Variants in TENT4B observed in about 807,000 individuals in gnomAD.
TENT4B encodes terminal nucleotidyltransferase 4B, also known as PAP associated domain containing 5.
TENT4B carries 10 observed loss-of-function variants against 75.0 expected under a neutral mutation model. The observed-to-expected ratio is 0.13, with a 90% CI of 0.08 to 0.23. The LOEUF is 0.23. Among genes scored for constraint, TENT4B ranks in the 10% least tolerant of loss-of-function variants. The probability of loss-of-function intolerance (pLI) is 1.00; values close to 1 mark genes in which losing one functional copy is unlikely to be tolerated. For missense variants in TENT4B, 579 were observed against 893.8 expected (o/e 0.65, Z 4.49); for synonymous variants, 350 against 357.7 (o/e 0.98, Z 0.24).
chr16:50,223,822 T>C (rs1483434122), intron 7 of TENT4B, among the ~76,000 whole-genome samples: 1 of 152,190 alleles, frequency 6.6e-6, no homozygotes, highest in Admixed American at 6.5e-5. Flanking sequence ...AGACAATGTA[T>C]TTTCTTTTTG....
intron 10 of TENT4B, among the ~76,000 whole-genome samples, chr16:50,226,042 C>A (rs981168823): frequency 6.6e-6 from 1 of 151,750 alleles, no homozygotes. Flanking sequence ...CTCTGTCACC[C>A]AGGCTGGAAT....
intron 7 of TENT4B, 58 bp downstream of exon 7, chr16:50,223,445 A>G (rs1171418668): frequency 8.9e-7 from 1 of 1,123,842 alleles, no homozygotes; most frequent in East Asian, 2.6e-5. Flanking sequence ...CAGTCACCTT[A>G]TTATACTTTA....
intron 1 of TENT4B, among the ~76,000 whole-genome samples, chr16:50,186,934 T>A (rs1339658429): frequency 6.6e-6 from 1 of 152,046 alleles, no homozygotes; most frequent in Non-Finnish European, 1.5e-5. Context: ...TTAATTTTTT[T>A]ATTTTTTGAA....
intron 5 of TENT4B, among the ~76,000 whole-genome samples, chr16:50,220,045 G>A (rs9938012): frequency 1.3e-5 from 2 of 150,516 alleles, no homozygotes; most frequent in African/African-American, 4.9e-5. Flanking sequence ...CTGGAGTGCA[G>A]TGGCGCGATC....
At chr16:50,170,236 G>T (rs1357209676) in intron 1 of TENT4B, among the ~76,000 whole-genome samples, 3 of 151,758 alleles carry the variant, frequency 2.0e-5, no homozygotes, top group African/African-American at 4.8e-5. Context: ...GGCCAGGCTG[G>T]ACTTGAACTC....
At chr16:50,219,974 C>G (rs1054499509) in intron 5 of TENT4B, among the ~76,000 whole-genome samples, 1 of 129,158 alleles carries the variant, frequency 7.7e-6, no homozygotes, top group Non-Finnish European at 1.6e-5. Flanking sequence ...CCCACCACAC[C>G]TGGCTAACTT....
chr16:50,155,272 GGTGTGTGTGTGTGTGTGTGTGTGT>G (rs60683678), intron 1 of TENT4B, among the ~76,000 whole-genome samples: 15 of 135,482 alleles, frequency 1.1e-4, no homozygotes, highest in Admixed American at 9.1e-4. Flanking sequence ...GGGTCTCGTG[GGTGTGTGTGTGTGTGTGTGTGTGT>G]GTGTGTGTGT....
In TENT4B at chr16:50,234,491, T is replaced by C. The variant is rs2032388885; in HGVS notation, c.*5163T>C. ...ATCTTTCAGTTTGGGTTCTGTGCTATTCATAGTTCTTCCCTAAGACCATTT... is the reference window on the plus strand; with the variant it reads ...ATCTTTCAGTTTGGGTTCTGTGCTACTCATAGTTCTTCCCTAAGACCATTT... On this transcript the variant is annotated 3_prime_UTR_variant, in exon 12 of 12. Coordinates refer to ENST00000561678, the MANE Select transcript of TENT4B (RefSeq NM_001365324.3). 2.0e-6 allele frequency: 2 copies of C among 984,940 alleles called. No homozygotes were observed. Among genetic ancestry groups the C allele is most frequent in the Non-Finnish European group, 2.4e-6 (2 of 829,454 alleles). The allele number at this position is 984,940 out of a possible 1,614,324, so 61.0% of individuals were successfully genotyped here.
intron 1 of TENT4B, among the ~76,000 whole-genome samples, chr16:50,172,982 C>G (rs2038234916): frequency 6.6e-6 from 1 of 152,052 alleles, no homozygotes; most frequent in African/African-American, 2.4e-5. Context: ...TCGCTCTCGC[C>G]CAGGCTGGAG....
At position 50,235,203 on chromosome 16, in the gene TENT4B, T is replaced by G. The variant is rs1475177943; in HGVS notation, c.*5875T>G. 7.6e-6 allele frequency: 2 copies of G among 262,190 alleles called. No homozygotes were observed. The highest frequency in any genetic ancestry group is 1.3e-4 in the Admixed American group (2 of 15,402). The allele number at this position is 262,190 out of a possible 1,614,324, so 16.2% of individuals were successfully genotyped here. Reference sequence around the variant, plus strand: ...GATGTCAATTATTTGCCTTGGAAATTTTATAAATTGCATTTCTATGCACAT... The same window carrying G: ...GATGTCAATTATTTGCCTTGGAAATGTTATAAATTGCATTTCTATGCACAT... On this transcript the variant is annotated 3_prime_UTR_variant, in exon 12 of 12. Coordinates refer to ENST00000561678, the MANE Select transcript of TENT4B (RefSeq NM_001365324.3).
chr16:50,222,025 A>C (rs1388215804), intron 5 of TENT4B, among the ~76,000 whole-genome samples: 1 of 152,180 alleles, frequency 6.6e-6, no homozygotes, highest in Non-Finnish European at 1.5e-5. Context: ...TTGGTCTCCC[A>C]AAGTGCTAGG....
intron 1 of TENT4B, among the ~76,000 whole-genome samples, chr16:50,162,426 C>T (rs942189984): frequency 4.6e-5 from 7 of 152,130 alleles, no homozygotes; most frequent in African/African-American, 1.7e-4. Flanking sequence ...ATATTCCTAT[C>T]AACAATATAT....
At chr16:50,191,790 A>G (rs954892832) in intron 1 of TENT4B, among the ~76,000 whole-genome samples, 3 of 152,114 alleles carry the variant, frequency 2.0e-5, no homozygotes, top group Admixed American at 6.6e-5. Flanking sequence ...ATGGTGGCAC[A>G]TGCCTGTAAT....
At chr16:50,222,586 T>C (rs1393534659) in intron 6 of TENT4B, among the ~76,000 whole-genome samples, 152 bp downstream of exon 6, 1 of 152,248 alleles carries the variant, frequency 6.6e-6, no homozygotes, top group Non-Finnish European at 1.5e-5. Flanking sequence ...GGGTACATTT[T>C]ATCATTTAGC....
At chr16:50,207,804 C>T (rs58730051) in intron 1 of TENT4B, among the ~76,000 whole-genome samples, 1 of 152,180 alleles carries the variant, frequency 6.6e-6, no homozygotes, top group Non-Finnish European at 1.5e-5. Context: ...AGGTGGTCCA[C>T]TCTGCCACTC....
chr16:50,162,657 A>G (rs7194940), intron 1 of TENT4B, among the ~76,000 whole-genome samples: 6,067 of 152,182 alleles, frequency 0.04, 150 homozygotes, highest in African/African-American at 0.057. Context: ...TTAATTTTCC[A>G]GTTTTTCTTT....
intron 1 of TENT4B, among the ~76,000 whole-genome samples, chr16:50,190,063 G>A (rs570191660): frequency 7.7e-6 from 1 of 129,386 alleles, no homozygotes; most frequent in Non-Finnish European, 1.6e-5. Flanking sequence ...GCAACAGAGT[G>A]AGACTCTGTT....
Position 50,234,478 on chromosome 16 carries a change from G to A in TENT4B, c.*5150G>A. The A allele has an allele frequency of 1.0e-6, 1 of 985,236 alleles. No individual in the cohort carries two copies. Among genetic ancestry groups the A allele is most frequent in the Non-Finnish European group, 1.2e-6 (1 of 829,792 alleles). 61.0% of individuals were successfully genotyped at this position (985,236 alleles called of 1,614,324 possible). A position where few individuals can be genotyped will look rare whatever the true frequency, so the allele number is the denominator to read the frequency against. On this transcript the variant is annotated 3_prime_UTR_variant, in exon 12 of 12. Transcript: ENST00000561678. The stretch of plus-strand genomic sequence containing the variant: ...AATATTTTTCTTCATCTTTCAGTTT[G>A]GGTTCTGTGCTATTCATAGTTCTTC...
At chr16:50,181,782 C>G (rs1319373308) in intron 1 of TENT4B, among the ~76,000 whole-genome samples, 1 of 152,060 alleles carries the variant, frequency 6.6e-6, no homozygotes, top group Non-Finnish European at 1.5e-5. Context: ...TTTATTGGTC[C>G]TGCTAAATTG....
Sources: gnomAD v4.1 joint callset for allele counts (sites outside exome capture counted in the v4.1 genomes callset) on GRCh38, gnomAD v4.1.1 for gene constraint, MANE v1.5 for transcripts, NCBI Gene and HGNC (gene_info 2026-07-23, HGNC 2026-07-21) for gene names.